The following POFUT3 variants were observed in gnomAD, a reference collection of about 807,000 sequenced individuals.
POFUT3 encodes the protein GDP-fucose protein O-fucosyltransferase 3.
At chr8:33,462,037 G>A in the POFUT3 span, among the ~76,000 whole-genome samples, 11 of 146,096 alleles carry the variant, frequency 7.5e-5, no homozygotes, top group South Asian at 4.4e-4. Flanking sequence ...GCACGCACCC[G>A]TAGTCACAGC....
the POFUT3 span, among the ~76,000 whole-genome samples, chr8:33,313,481 G>C: frequency 6.6e-6 from 1 of 151,990 alleles, no homozygotes; most frequent in Non-Finnish European, 1.5e-5. Flanking sequence ...CATTCTCGTG[G>C]CTCTGCTTGA....
chr8:33,427,085 C>T, the POFUT3 span, among the ~76,000 whole-genome samples: 1 of 152,308 alleles, frequency 6.6e-6, no homozygotes, highest in African/African-American at 2.4e-5. Context: ...GAATCGCTGC[C>T]ACACACTCTG....
At chr8:33,413,855 T>C in the POFUT3 span, among the ~76,000 whole-genome samples, 4 of 152,196 alleles carry the variant, frequency 2.6e-5, no homozygotes, top group Admixed American at 1.3e-4. Flanking sequence ...ACTAGAATAA[T>C]TGGATATAAA....
At chr8:33,335,203 T>C in the POFUT3 span, among the ~76,000 whole-genome samples, 1 of 149,910 alleles carries the variant, frequency 6.7e-6, no homozygotes, top group Non-Finnish European at 1.5e-5. Flanking sequence ...TACATTTTAC[T>C]GATATAAAAG....
the POFUT3 span, among the ~76,000 whole-genome samples, chr8:33,343,968 C>T: frequency 1.3e-5 from 2 of 152,170 alleles, no homozygotes; most frequent in Non-Finnish European, 2.9e-5. Flanking sequence ...CCTCCAAACC[C>T]CCACTTCCCT....
chr8:33,359,241 T>C, the POFUT3 span, among the ~76,000 whole-genome samples: 4 of 152,356 alleles, frequency 2.6e-5, 1 homozygote, highest in Admixed American at 2.6e-4. Context: ...CTTACATCTT[T>C]TTTGTACTTC....
chr8:33,453,505 C>T, the POFUT3 span: 2 of 1,603,684 alleles, frequency 1.2e-6, no homozygotes, highest in Non-Finnish European at 1.7e-6. Flanking sequence ...CCAGCTCAAC[C>T]ATGACCTAAA....
the POFUT3 span, among the ~76,000 whole-genome samples, chr8:33,326,974 C>A: frequency 6.6e-6 from 1 of 152,218 alleles, no homozygotes; most frequent in East Asian, 1.9e-4. Context: ...ATAGGGGTCT[C>A]ACTATGTTGC....
chr8:33,451,504 GTA>G, the POFUT3 span, among the ~76,000 whole-genome samples: 11 of 151,924 alleles, frequency 7.2e-5, no homozygotes, highest in East Asian at 1.9e-4. Flanking sequence ...ATATGTAGAT[GTA>G]TATGTGTGTA....
the POFUT3 span, among the ~76,000 whole-genome samples, chr8:33,367,397 C>T: frequency 6.6e-6 from 1 of 152,340 alleles, no homozygotes; most frequent in African/African-American, 2.4e-5. Context: ...CCCTTCGTTT[C>T]CCGTAAGGAA....
the POFUT3 span, among the ~76,000 whole-genome samples, chr8:33,423,339 G>T: frequency 6.6e-6 from 1 of 151,960 alleles, no homozygotes; most frequent in African/African-American, 2.4e-5. Context: ...CACAGTCATA[G>T]CTCACTGCAG....
the POFUT3 span, among the ~76,000 whole-genome samples, chr8:33,373,101 G>A: frequency 6.6e-6 from 1 of 151,956 alleles, no homozygotes; most frequent in African/African-American, 2.4e-5. Flanking sequence ...CCCTCCCTCT[G>A]GTTATTTATC....
At chr8:33,397,948 T>C in the POFUT3 span, among the ~76,000 whole-genome samples, 1 of 152,212 alleles carries the variant, frequency 6.6e-6, no homozygotes, top group Non-Finnish European at 1.5e-5. Context: ...TACTGAGTCC[T>C]ATTATTTGAA....
At chr8:33,328,133 C>A in the POFUT3 span, among the ~76,000 whole-genome samples, 2 of 152,132 alleles carry the variant, frequency 1.3e-5, no homozygotes, top group Admixed American at 1.3e-4. Context: ...TGATTAAATT[C>A]ATTCAAGACA....
At chr8:33,411,465 AT>A in the POFUT3 span, among the ~76,000 whole-genome samples, 1 of 152,240 alleles carries the variant, frequency 6.6e-6, no homozygotes, top group South Asian at 2.1e-4. Flanking sequence ...TAGATTCTGA[AT>A]TTTTTTTAAA....
At chr8:33,460,840 T>A in the POFUT3 span, 5 of 622,568 alleles carry the variant, frequency 8.0e-6, no homozygotes, top group Non-Finnish European at 1.0e-5. Flanking sequence ...TACTGGGAGG[T>A]ATTTTCTCCC....
At chr8:33,463,586 C>T in the POFUT3 span, among the ~76,000 whole-genome samples, 1 of 152,108 alleles carries the variant, frequency 6.6e-6, no homozygotes, top group Non-Finnish European at 1.5e-5. Flanking sequence ...CCTCTGTCAC[C>T]CAGGCTGAAG....
At chr8:33,352,099 GACACTTT>G in the POFUT3 span, among the ~76,000 whole-genome samples, 20 of 152,190 alleles carry the variant, frequency 1.3e-4, no homozygotes, top group Non-Finnish European at 2.6e-4. Flanking sequence ...AGTTGTAAAT[GACACTTT>G]ACACAAAAAG....
At chr8:33,403,140 A>G in the POFUT3 span, among the ~76,000 whole-genome samples, 29 of 152,278 alleles carry the variant, frequency 1.9e-4, no homozygotes, top group East Asian at 1.9e-4. Flanking sequence ...GCTCAAATAC[A>G]TAAAAGAAGG....
Sources: gnomAD v4.1 joint callset for allele counts (sites outside exome capture counted in the v4.1 genomes callset) on GRCh38, gnomAD v4.1.1 for gene constraint, MANE v1.5 for transcripts, NCBI Gene and HGNC (gene_info 2026-07-23, HGNC 2026-07-21) for gene names.